The following ZNRF3 variants were observed in gnomAD, a reference collection of about 807,000 sequenced individuals.
The protein encoded by ZNRF3 is E3 ubiquitin-protein ligase ZNRF3.
A neutral mutation model predicts 72.5 loss-of-function variants in ZNRF3; 23 were observed. That is an observed-to-expected ratio of 0.32 (90% CI 0.23 to 0.45). The LOEUF (loss-of-function observed/expected upper bound fraction) is 0.45, where lower values mean the gene tolerates loss of function less well. Ranked by LOEUF, ZNRF3 falls within the 20% of genes least tolerant of loss-of-function variation. The probability of loss-of-function intolerance (pLI) is 1.00; values close to 1 mark genes in which losing one functional copy is unlikely to be tolerated. For synonymous variants in ZNRF3, 610 were observed against 545.3 expected (o/e 1.12, Z -1.65); for missense variants, 1,169 against 1,272.1 (o/e 0.92, Z 1.23).
At chr22:28,902,135 C>G (rs1193130522) in intron 1 of ZNRF3, among the ~76,000 whole-genome samples, 1 of 151,812 alleles carries the variant, frequency 6.6e-6, no homozygotes, top group Non-Finnish European at 1.5e-5. Context: ...TGGGGTTTTA[C>G]CATGTTGGCC....
chr22:28,997,747 C>A (rs548991852), intron 2 of ZNRF3, among the ~76,000 whole-genome samples: 1 of 152,158 alleles, frequency 6.6e-6, no homozygotes, highest in Non-Finnish European at 1.5e-5. Flanking sequence ...TACAGTGGCT[C>A]ACACCTATAA....
chr22:28,975,876 C>G (rs961265822), intron 1 of ZNRF3, among the ~76,000 whole-genome samples: 4 of 152,200 alleles, frequency 2.6e-5, no homozygotes, highest in Admixed American at 2.6e-4. Flanking sequence ...CAATTTGCAG[C>G]ATGGCCAGAA....
intron 1 of ZNRF3, among the ~76,000 whole-genome samples, chr22:28,957,161 G>A (rs1201104946): frequency 2.0e-5 from 3 of 152,232 alleles, no homozygotes; most frequent in African/African-American, 7.2e-5. Flanking sequence ...AGCCAGGACA[G>A]TACTTCTTAC....
chr22:28,979,793 G>A (rs1286560576), intron 1 of ZNRF3, among the ~76,000 whole-genome samples: 1 of 152,184 alleles, frequency 6.6e-6, no homozygotes, highest in Non-Finnish European at 1.5e-5. Context: ...AGGGTGAAAG[G>A]GGACTTCTGA....
intron 2 of ZNRF3, among the ~76,000 whole-genome samples, chr22:28,998,411 A>G (rs892295500): frequency 4.6e-5 from 7 of 152,248 alleles, no homozygotes; most frequent in African/African-American, 1.7e-4. Context: ...TAAGGTGAGC[A>G]AGATGGGTTT....
At chr22:28,895,831 T>C (rs1303008557) in intron 1 of ZNRF3, among the ~76,000 whole-genome samples, 1 of 152,176 alleles carries the variant, frequency 6.6e-6, no homozygotes, top group African/African-American at 2.4e-5. Context: ...GATGGTTGAA[T>C]TCCAGAAAAT....
intron 1 of ZNRF3, among the ~76,000 whole-genome samples, chr22:28,892,762 A>G (rs1330601933): frequency 6.6e-6 from 1 of 152,112 alleles, no homozygotes; most frequent in African/African-American, 2.4e-5. Context: ...TTGTTTAGAA[A>G]CTCAGTATAG....
intron 2 of ZNRF3, chr22:28,992,575 TCA>T (rs969239875): frequency 5.9e-5 from 9 of 152,182 alleles, no homozygotes; most frequent in Admixed American, 2.0e-4. Context: ...GATCAGGGGC[TCA>T]CACTTAGGCT....
intron 2 of ZNRF3, among the ~76,000 whole-genome samples, chr22:29,040,166 C>T (rs995678542): frequency 2.6e-5 from 4 of 151,524 alleles, no homozygotes; most frequent in Admixed American, 2.6e-4. Flanking sequence ...ACATAGGCGG[C>T]CTCCCTGCAC....
At chr22:28,908,610 C>G (rs1347855776) in intron 1 of ZNRF3, among the ~76,000 whole-genome samples, 1 of 152,150 alleles carries the variant, frequency 6.6e-6, no homozygotes, top group Non-Finnish European at 1.5e-5. Context: ...ACCCCATTCC[C>G]TGGATGTCAA....
At position 29,049,671 on chromosome 22, in the gene ZNRF3, G is replaced by C; in HGVS notation, c.1490G>C (p.Arg497Pro). ...PPSLAPRGPARAFPPSGSGSL... is the reference protein window; with the variant it reads ...PPSLAPRGPAPAFPPSGSGSL... ...AGCCTCGCACCCCGGGGCCCGGCCC[G>C]TGCCTTTCCTCCGAGCGGCAGTGGC... The change falls in exon 8 of 9, where the codon CGT (arginine) becomes CCT (proline). Residue 497 changes from arginine (R) to proline (P), a missense_variant. Transcript: ENST00000544604. This position sits in a 1 kb window ranked among gnomAD's most constrained non-coding sequence, Gnocchi z 5.2. The C allele has an allele frequency of 1.2e-6, 2 of 1,608,732 alleles. No homozygotes were observed. The highest frequency in any genetic ancestry group is 1.7e-6 in the Non-Finnish European group (2 of 1,179,270).
At position 28,935,262 on chromosome 22, in the gene ZNRF3, T is replaced by A. The variant is rs552901047; in HGVS notation, c.300+51196T>A. On this transcript the variant is annotated intron_variant, in intron 1 of 8. Coordinates refer to ENST00000544604, the MANE Select transcript of ZNRF3 (RefSeq NM_001206998.2). The stretch of plus-strand genomic sequence containing the variant: ...GCACACAAACCCTTTAGCAGAAGGT[T>A]TTTAAGGTTGCCTGTGTACCTGCCC... 2.0e-5 allele frequency among the ~76,000 whole-genome samples: 3 copies of A among 152,298 alleles called. No homozygotes were observed. The East Asian group carries it at 5.8e-4, about 29-fold the overall frequency.
At chr22:28,921,672 T>G (rs989885527) in intron 1 of ZNRF3, among the ~76,000 whole-genome samples, 2 of 152,346 alleles carry the variant, frequency 1.3e-5, no homozygotes, top group Non-Finnish European at 2.9e-5. Context: ...GATTGTAAGT[T>G]CACTGAGGTC....
chr22:28,914,495 C>CTTTTTT (rs132544), intron 1 of ZNRF3, among the ~76,000 whole-genome samples: 1 of 125,968 alleles, frequency 7.9e-6, no homozygotes, highest in Non-Finnish European at 1.6e-5. Flanking sequence ...TGACATAGAG[C>CTTTTTT]TTTTTTTTTT....
At position 29,049,488 on chromosome 22, in the gene ZNRF3, A is replaced by C. The variant is rs778029360; in HGVS notation, c.1307A>C (p.Glu436Ala). The C allele has an allele frequency of 1.0e-5, 16 of 1,604,578 alleles. No individual in the cohort carries two copies. The East Asian group carries it at 3.3e-4, about 34-fold the overall frequency. Residue 436 changes from glutamate (E) to alanine (A), a missense_variant, in exon 8 of 9, where the codon GAG becomes GCG. This residue lies in a region of ZNRF3 where 783 missense variants were observed against 731.4 expected (regional missense o/e 1.07). Coordinates refer to ENST00000544604, the MANE Select transcript of ZNRF3 (RefSeq NM_001206998.2). This position sits in a 1 kb window ranked among gnomAD's most constrained non-coding sequence, Gnocchi z 5.2. Reference protein sequence around the residue: ...HSLAAHRCGLEHRAYSPAHPF... With the variant: ...HSLAAHRCGLAHRAYSPAHPF... ...CTGGCCGCTCACCGCTGCGGCCTGG[A>C]GCACCGGGCCTACTCCCCAGCCCAC...
chr22:29,049,358 C>G lies in ZNRF3; in HGVS notation c.1177C>G (p.Pro393Ala), dbSNP rs760008137. 2 of 1,613,604 alleles carry G rather than the reference C, an allele frequency of 1.2e-6. No individual in the cohort carries two copies. Among genetic ancestry groups the G allele is most frequent in the African/African-American group, 1.3e-5 (1 of 75,016 alleles). The change falls in exon 8 of 9, where the codon CCC becomes GCC. Residue 393 changes from proline (P) to alanine (A), a missense_variant. By Grantham distance (27) the Pro-to-Ala change is conservative. Transcript: ENST00000544604. The surrounding 1 kb of genome is among the most constrained non-coding windows in gnomAD (Gnocchi z 5.2). ...TRTSMDSHGN[P>A]VTLLTMDRHG... ...GACAAGCATGGACTCCCACGGCAAC[C>G]CCGTCACCTTGCTGACCATGGACCG...
intron 1 of ZNRF3, among the ~76,000 whole-genome samples, chr22:28,969,683 C>T (rs935037357): frequency 6.6e-6 from 1 of 152,116 alleles, no homozygotes; most frequent in African/African-American, 2.4e-5. Context: ...AGCTAGGAAG[C>T]CAGTGGTAAC....
At chr22:28,884,378 A>C (rs2033730964) in intron 1 of ZNRF3, among the ~76,000 whole-genome samples, 1 of 152,218 alleles carries the variant, frequency 6.6e-6, no homozygotes. Context: ...CCTCAGGTGG[A>C]AGTCCCGGGA....
At chr22:28,991,311 A>G (rs1051709961) in intron 2 of ZNRF3, among the ~76,000 whole-genome samples, 15 of 122,304 alleles carry the variant, frequency 1.2e-4, no homozygotes, top group Non-Finnish European at 1.6e-4. Context: ...AAAAAAAAAA[A>G]GAAGAACAGT....
Sources: allele counts gnomAD v4.1 joint callset (sites outside exome capture counted in the v4.1 genomes callset), GRCh38; gene constraint gnomAD v4.1.1; regional missense constraint gnomAD v4.1.1; non-coding constraint Gnocchi (gnomAD v3.1); transcripts MANE v1.5; gene names NCBI Gene and HGNC (gene_info 2026-07-23, HGNC 2026-07-21).